The following SGMS1 variants were observed in gnomAD, a reference collection of about 807,000 sequenced individuals.
The protein encoded by SGMS1 is sphingomyelin synthase 1, also known as phosphatidylcholine:ceramide cholinephosphotransferase 1.
Under a neutral mutation model 46.2 loss-of-function variants are expected in SGMS1, and 13 were observed. That is an observed-to-expected ratio of 0.28 (90% CI 0.18 to 0.45). The LOEUF (loss-of-function observed/expected upper bound fraction) is 0.45. Ranked by LOEUF, SGMS1 falls within the 20% of genes least tolerant of loss-of-function variation. SGMS1 has a pLI of 1.00. For missense variants in SGMS1, 324 were observed against 519.9 expected, an observed-to-expected ratio of 0.62 and a Z score of 3.66; for synonymous variants, 203 against 187.8, an observed-to-expected ratio of 1.08 and a Z score of -0.66.
chr10:50,346,895 G>A (rs952738071), intron 6 of SGMS1, among the ~76,000 whole-genome samples: 1 of 147,530 alleles, frequency 6.8e-6, no homozygotes, highest in Non-Finnish European at 1.5e-5. Flanking sequence ...AGATTGGGGT[G>A]GGGGGTCTCA....
chr10:50,438,732 G>A (rs151272820), intron 5 of SGMS1, among the ~76,000 whole-genome samples: 2 of 152,324 alleles, frequency 1.3e-5, no homozygotes, highest in African/African-American at 4.8e-5. Flanking sequence ...AGGGGAGAAA[G>A]AGGAAGCCCC....
chr10:50,578,437 A>T (rs1010075652), intron 2 of SGMS1, among the ~76,000 whole-genome samples: 12 of 152,246 alleles, frequency 7.9e-5, no homozygotes, highest in African/African-American at 2.9e-4. Context: ...AACATCAATA[A>T]GGATTTTTTT....
intron 2 of SGMS1, among the ~76,000 whole-genome samples, chr10:50,562,529 A>G (rs1378375662): frequency 6.6e-6 from 1 of 152,032 alleles, no homozygotes; most frequent in Non-Finnish European, 1.5e-5. Context: ...CTTTTAAATC[A>G]CAGGCTAAAT....
chr10:50,326,153 T>TA (rs1037547368), intron 8 of SGMS1, among the ~76,000 whole-genome samples: 3 of 149,520 alleles, frequency 2.0e-5, no homozygotes, highest in Admixed American at 6.7e-5. Flanking sequence ...TAGCAAAAAA[T>TA]AAAAAAAATT....
At chr10:50,341,226 G>C in intron 7 of SGMS1, 1 of 424,694 alleles carries the variant, frequency 2.4e-6, no homozygotes, top group South Asian at 1.7e-5. Flanking sequence ...CCTTCTCTAT[G>C]AGAGCCAGGA....
At chr10:50,371,809 T>C (rs1234672609) in intron 6 of SGMS1, among the ~76,000 whole-genome samples, 1 of 152,186 alleles carries the variant, frequency 6.6e-6, no homozygotes, top group Admixed American at 6.5e-5. Context: ...GTGAGGGCCC[T>C]CTTGCTACGT....
chr10:50,608,005 C>G (rs1484158615), intron 1 of SGMS1, among the ~76,000 whole-genome samples: 1 of 152,246 alleles, frequency 6.6e-6, no homozygotes, highest in Non-Finnish European at 1.5e-5. Context: ...ATTAACAGCA[C>G]TGATCGTATA....
chr10:50,351,639 T>C (rs1289471848), intron 6 of SGMS1, among the ~76,000 whole-genome samples: 17 of 152,152 alleles, frequency 1.1e-4, no homozygotes, highest in Admixed American at 1.1e-3. Flanking sequence ...ATCAGGGGTT[T>C]CCATTTTTGC....
intron 2 of SGMS1, among the ~76,000 whole-genome samples, chr10:50,564,552 T>C (rs1486497024): frequency 6.6e-6 from 1 of 152,168 alleles, no homozygotes; most frequent in African/African-American, 2.4e-5. Flanking sequence ...ATACACCCCG[T>C]AGCAAAGTCA....
chr10:50,361,653 G>A (rs956164336), intron 6 of SGMS1, among the ~76,000 whole-genome samples: 1 of 152,158 alleles, frequency 6.6e-6, no homozygotes, highest in African/African-American at 2.4e-5. Context: ...ATCCTATCTT[G>A]AAGGCTCTCT....
intron 1 of SGMS1, among the ~76,000 whole-genome samples, chr10:50,599,707 A>G (rs1002680210): frequency 3.9e-5 from 6 of 152,168 alleles, no homozygotes; most frequent in Non-Finnish European, 8.8e-5. Context: ...TATTAAAAAT[A>G]CAAAAATTAG....
chr10:50,587,944 A>G (rs1231154586), intron 2 of SGMS1, among the ~76,000 whole-genome samples: 1 of 152,098 alleles, frequency 6.6e-6, no homozygotes, highest in Non-Finnish European at 1.5e-5. Flanking sequence ...TTCCATATGT[A>G]TCTTCTACTT....
chr10:50,372,962 A>C (rs963050234), intron 6 of SGMS1, among the ~76,000 whole-genome samples: 11 of 152,214 alleles, frequency 7.2e-5, no homozygotes, highest in Admixed American at 1.3e-4. Flanking sequence ...AAAATATTCA[A>C]AACATTATTT....
chr10:50,515,249 C>T (rs1470682800), intron 3 of SGMS1, among the ~76,000 whole-genome samples: 1 of 152,156 alleles, frequency 6.6e-6, no homozygotes, highest in Non-Finnish European at 1.5e-5. Flanking sequence ...TACATCAGAG[C>T]CTGGTCACTT....
At chr10:50,558,625 C>T (rs143743894) in intron 2 of SGMS1, among the ~76,000 whole-genome samples, 3 of 152,224 alleles carry the variant, frequency 2.0e-5, no homozygotes, top group East Asian at 3.9e-4. Flanking sequence ...TTGCACAACA[C>T]GAATTTGAAC....
intron 3 of SGMS1, among the ~76,000 whole-genome samples, chr10:50,496,507 G>A (rs571863617): frequency 6.6e-6 from 1 of 152,294 alleles, no homozygotes; most frequent in Admixed American, 6.5e-5. Context: ...GAGGCACACA[G>A]CACTAGTAAA....
intron 6 of SGMS1, among the ~76,000 whole-genome samples, chr10:50,350,648 T>C (rs1249118227): frequency 6.6e-6 from 1 of 152,126 alleles, no homozygotes; most frequent in Non-Finnish European, 1.5e-5. Context: ...GGGGCCAAAA[T>C]ACAGCCCGGG....
At position 50,307,379 on chromosome 10, in the gene SGMS1, T is replaced by C. The variant is rs1847193531; in HGVS notation, c.1063-58A>G. On this transcript the variant is annotated intron_variant, in intron 10 of 10. Coordinates refer to ENST00000361781, the MANE Select transcript of SGMS1 (RefSeq NM_147156.4). This position sits in a 1 kb window ranked among gnomAD's most constrained non-coding sequence, Gnocchi z 4.2. Reference sequence around the variant, plus strand: ...TACAATCTTTCACTTTAAGTTCAAATACTTGCCACGCTAAAATTCCCAAAG... The same window carrying C: ...TACAATCTTTCACTTTAAGTTCAAACACTTGCCACGCTAAAATTCCCAAAG... The C allele has an allele frequency of 4.6e-6, 7 of 1,517,038 alleles. No individual in the cohort carries two copies. The highest frequency in any genetic ancestry group is 6.3e-6 in the Non-Finnish European group (7 of 1,111,880). The allele number at this position is 1,517,038 out of a possible 1,614,324, so 94.0% of individuals were successfully genotyped here.
At position 50,574,963 on chromosome 10, in the gene SGMS1, G is replaced by GTATGTATA. The variant is rs1554793450; in HGVS notation, c.-589+15189_-589+15190insTATACATA. 2.0e-3 allele frequency among the ~76,000 whole-genome samples: 200 copies of GTATGTATA among 99,874 alleles called. 1 individual carries two copies. Among genetic ancestry groups the GTATGTATA allele is most frequent in the Middle Eastern group, 5.7e-3 (1 of 176 alleles). The allele number at this position is 99,874 out of a possible 152,430, so 65.5% of individuals were successfully genotyped here. On this transcript the variant is annotated intron_variant, in intron 2 of 10. Transcript: ENST00000361781. ...AAACATTTTAAAAGGAAAATGTGGT[G>GTATGTATA]TATATATATATATATATATATAAAA...
Sources: gnomAD v4.1 joint callset for allele counts (sites outside exome capture counted in the v4.1 genomes callset) on GRCh38, gnomAD v4.1.1 for gene constraint, Gnocchi (gnomAD v3.1) non-coding constraint, MANE v1.5 for transcripts, NCBI Gene and HGNC (gene_info 2026-07-23, HGNC 2026-07-21) for gene names.